MTA3: variants seen among roughly 807,000 people sequenced by gnomAD.
MTA3 encodes the protein metastasis associated 1 family member 3.
In MTA3, 34 loss-of-function variants were observed where a neutral mutation model predicts 83.5. That is an observed-to-expected ratio of 0.41 (90% CI 0.31 to 0.54). The LOEUF is 0.54. Among genes scored for constraint, MTA3 ranks in the 20% least tolerant of loss-of-function variants. The pLI is 0.33. For synonymous variants in MTA3, 303 were observed against 252.7 expected (o/e 1.20, Z -1.89); for missense variants, 761 against 726.4 (o/e 1.05, Z -0.55).
chr2:42,549,635 A>T (rs1219775457), intron 2 of MTA3, among the ~76,000 whole-genome samples: 1 of 124,204 alleles, frequency 8.1e-6, no homozygotes, highest in Admixed American at 9.9e-5. Context: ...ATACATATAC[A>T]TATATAATAT....
chr2:42,644,189 T>C lies in MTA3; in HGVS notation c.444T>C (p.Gly148=). Residue 148 remains glycine, a synonymous_variant, in exon 6 of 17, where the codon GGT becomes GGC. Transcript: ENST00000405094. ...TGAAAACACTATTAGCTGACAAAGG[T>C]GAAATCAGAGTGGGACCTAGATATC... The part of the protein sequence containing the change: ...PSLKTLLADK[G]EIRVGPRYQA... 1 of 1,613,226 alleles carries C rather than the reference T, an allele frequency of 6.2e-7. No homozygotes were observed. The highest frequency in any genetic ancestry group is 8.5e-7 in the Non-Finnish European group (1 of 1,179,582).
At chr2:42,712,545 C>T (rs1204564619) in intron 14 of MTA3, among the ~76,000 whole-genome samples, 3 of 152,108 alleles carry the variant, frequency 2.0e-5, no homozygotes, top group Non-Finnish European at 4.4e-5. Flanking sequence ...TTTTAATAAT[C>T]TTTATATGTG....
At chr2:42,608,537 C>G (rs1683782888) in intron 3 of MTA3, among the ~76,000 whole-genome samples, 1 of 152,156 alleles carries the variant, frequency 6.6e-6, no homozygotes, top group South Asian at 2.1e-4. Context: ...ATTCATTACC[C>G]TCATGCTATT....
chr2:42,617,121 T>C (rs1684993041), intron 4 of MTA3, among the ~76,000 whole-genome samples: 1 of 152,178 alleles, frequency 6.6e-6, no homozygotes, highest in South Asian at 2.1e-4. Flanking sequence ...ATAGGAAAGG[T>C]TCTAGCCTAT....
chr2:42,658,720 A>G (rs896914568), intron 7 of MTA3, among the ~76,000 whole-genome samples: 4 of 152,068 alleles, frequency 2.6e-5, no homozygotes, highest in Non-Finnish European at 5.9e-5. Context: ...TACAGTAACT[A>G]TCTGTTTACT....
chr2:42,511,515 A>C (rs1355910550), intron 2 of MTA3: 1 of 152,148 alleles, frequency 6.6e-6, no homozygotes, highest in Non-Finnish European at 1.5e-5. Context: ...TCAGGAGTTC[A>C]AGACCAGCTG....
At chr2:42,648,680 A>C (rs2104333322) in intron 6 of MTA3, among the ~76,000 whole-genome samples, 1 of 152,296 alleles carries the variant, frequency 6.6e-6, no homozygotes, top group African/African-American at 2.4e-5. Flanking sequence ...CGTCTTTTAG[A>C]TTTTACATCT....
intron 2 of MTA3, among the ~76,000 whole-genome samples, chr2:42,559,398 A>C (rs563743382): frequency 6.6e-6 from 1 of 151,594 alleles, no homozygotes; most frequent in Non-Finnish European, 1.5e-5. Flanking sequence ...GCTACTCTGG[A>C]GGCTGAGATG....
chr2:42,738,647 C>T (rs1350562828), intron 16 of MTA3, among the ~76,000 whole-genome samples: 3 of 152,230 alleles, frequency 2.0e-5, no homozygotes, highest in Non-Finnish European at 4.4e-5. Context: ...TAACCTTAAA[C>T]TCTGACTGCT....
At chr2:42,733,021 ACTT>A (rs539737686) in intron 16 of MTA3, among the ~76,000 whole-genome samples, 59 of 152,236 alleles carry the variant, frequency 3.9e-4, no homozygotes, top group Admixed American at 3.5e-3. Context: ...CATTTTCCTG[ACTT>A]CTTCTGAGCT....
intron 11 of MTA3, chr2:42,702,346 A>G (rs1402800910): frequency 6.6e-6 from 1 of 152,260 alleles, no homozygotes; most frequent in Admixed American, 6.5e-5. Flanking sequence ...TGGTTAAATG[A>G]TTTCTTCTGG....
rs70963329 is a variant in MTA3 at position 42,548,831 on chromosome 2, T to TATATATATATATATA, written c.-140-21592_-140-21578dup. 2.0e-3 allele frequency among the ~76,000 whole-genome samples: 17 copies of TATATATATATATATA among 8,528 alleles called. 3 individuals carry two copies. The highest frequency in any genetic ancestry group is 6.1e-3 in the Admixed American group (3 of 488). 5.6% of individuals were successfully genotyped at this position (8,528 alleles called of 152,430 possible). On this transcript the variant is annotated intron_variant, in intron 2 of 17. Coordinates refer to the MTA3 transcript ENST00000405592. ...AAAAAATATATATATATATATATAA[T>TATATATATATATATA]ATATATATATATATAATATATATAT...
At chr2:42,664,103 T>C (rs1335097606) in intron 8 of MTA3, among the ~76,000 whole-genome samples, 2 of 152,166 alleles carry the variant, frequency 1.3e-5, no homozygotes, top group Non-Finnish European at 2.9e-5. Flanking sequence ...CACCTCATTT[T>C]TGTTAGAATG....
At chr2:42,713,677 A>G (rs1400248969) in intron 14 of MTA3, among the ~76,000 whole-genome samples, 8 of 152,142 alleles carry the variant, frequency 5.3e-5, no homozygotes, top group Admixed American at 1.3e-4. Flanking sequence ...GTTTGTTTCT[A>G]TATGATATTA....
At chr2:42,719,834 T>A (rs1045649290) in intron 15 of MTA3, among the ~76,000 whole-genome samples, 1 of 152,244 alleles carries the variant, frequency 6.6e-6, no homozygotes, top group African/African-American at 2.4e-5. Context: ...ACAAAATTAC[T>A]ATGCAATAAT....
chr2:42,627,075 T>C (rs970694853), intron 4 of MTA3, among the ~76,000 whole-genome samples: 1 of 152,174 alleles, frequency 6.6e-6, no homozygotes, highest in Non-Finnish European at 1.5e-5. Flanking sequence ...CTTTGTTTCT[T>C]TTTTCTTTTT....
intron 2 of MTA3, among the ~76,000 whole-genome samples, chr2:42,524,882 G>A (rs1267180217): frequency 0.011 from 1 of 90 alleles, no homozygotes; most frequent in Non-Finnish European, 0.019. Flanking sequence ...TTCCAGGCCT[G>A]AAGGCATCCT....
intron 2 of MTA3, among the ~76,000 whole-genome samples, chr2:42,512,390 A>G (rs1674945009): frequency 6.6e-6 from 1 of 152,218 alleles, no homozygotes; most frequent in African/African-American, 2.4e-5. Flanking sequence ...AAGCAACAGC[A>G]GGTCCTCTCC....
intron 3 of MTA3, among the ~76,000 whole-genome samples, chr2:42,600,467 C>G (rs1218841625): frequency 6.6e-6 from 1 of 151,628 alleles, no homozygotes; most frequent in Admixed American, 6.6e-5. Flanking sequence ...AGGTTACATC[C>G]TATAGTATAT....
Sources: gnomAD v4.1 joint callset for allele counts (sites outside exome capture counted in the v4.1 genomes callset) on GRCh38, gnomAD v4.1.1 for gene constraint, MANE v1.5 for transcripts, NCBI Gene and HGNC (gene_info 2026-07-23, HGNC 2026-07-21) for gene names.